Variants in HECW1 observed in about 807,000 individuals in gnomAD.
HECW1 encodes E3 ubiquitin-protein ligase HECW1.
HECW1 carries 61 observed loss-of-function variants against 182.3 expected under a neutral mutation model. The ratio of observed to expected loss-of-function variants is 0.33; its 90% confidence interval spans 0.27 to 0.41. The LOEUF is 0.41. Among genes scored for constraint, HECW1 ranks in the 10% least tolerant of loss-of-function variants. The pLI is 1.00. For missense variants in HECW1, 1,739 were observed against 2,108.9 expected, an observed-to-expected ratio of 0.82 and a Z score of 3.44; for synonymous variants, 859 against 832.6, an observed-to-expected ratio of 1.03 and a Z score of -0.55.
intron 2 of HECW1, among the ~76,000 whole-genome samples, chr7:43,145,862 G>T (rs1355047294): frequency 6.6e-6 from 1 of 152,194 alleles, no homozygotes; most frequent in African/African-American, 2.4e-5. Flanking sequence ...CAGAGTGGAA[G>T]TTGACTTGGG....
At chr7:43,320,545 C>A in intron 4 of HECW1, 90 bp from the exon 5 acceptor site, 1 of 872,144 alleles carries the variant, frequency 1.1e-6, no homozygotes, top group Non-Finnish European at 1.9e-6. Flanking sequence ...ATGGAAGCAG[C>A]ATTTGTATCC....
At chr7:43,193,656 A>G (rs1794160101) in intron 2 of HECW1, among the ~76,000 whole-genome samples, 1 of 152,146 alleles carries the variant, frequency 6.6e-6, no homozygotes, top group Admixed American at 6.5e-5. Flanking sequence ...TGCTGGGATT[A>G]TAAGCATGAG....
intron 3 of HECW1, among the ~76,000 whole-genome samples, chr7:43,275,477 A>T (rs1029563742): frequency 1.3e-5 from 2 of 152,186 alleles, no homozygotes; most frequent in African/African-American, 4.8e-5. Context: ...TTCTTAAAAA[A>T]TTTGTTATAA....
At chr7:43,183,171 A>G (rs1442538520) in intron 2 of HECW1, among the ~76,000 whole-genome samples, 1 of 152,166 alleles carries the variant, frequency 6.6e-6, no homozygotes, top group Non-Finnish European at 1.5e-5. Context: ...GTACACATCT[A>G]CCATTTGCAC....
At chr7:43,238,918 G>C (rs1008473878) in intron 2 of HECW1, 1 of 152,050 alleles carries the variant, frequency 6.6e-6, no homozygotes. Flanking sequence ...CCTCCTCCCA[G>C]GAAAATGAAT....
chr7:43,359,931 A>T (rs1037386645), intron 5 of HECW1, among the ~76,000 whole-genome samples: 1 of 152,218 alleles, frequency 6.6e-6, no homozygotes, highest in Non-Finnish European at 1.5e-5. Context: ...AACTAAACTC[A>T]TGTTGGCTAC....
intron 24 of HECW1, among the ~76,000 whole-genome samples, chr7:43,527,692 C>T (rs1441266561): frequency 6.6e-6 from 1 of 152,136 alleles, no homozygotes; most frequent in Non-Finnish European, 1.5e-5. Context: ...ATTCAGATAC[C>T]TCCCATCATG....
chr7:43,428,715 A>G (rs184940383), intron 8 of HECW1, among the ~76,000 whole-genome samples: 47 of 152,336 alleles, frequency 3.1e-4, no homozygotes, highest in African/African-American at 1.0e-3. Context: ...AGTTAGAATA[A>G]TAGCTCTTTT....
intron 2 of HECW1, among the ~76,000 whole-genome samples, chr7:43,136,839 T>C (rs1351389110): frequency 6.6e-6 from 1 of 152,184 alleles, no homozygotes; most frequent in Non-Finnish European, 1.5e-5. Flanking sequence ...TCACTTGTTC[T>C]GGTGGTGGCC....
intron 3 of HECW1, among the ~76,000 whole-genome samples, chr7:43,286,044 T>C (rs571792009): frequency 1.3e-5 from 2 of 151,600 alleles, no homozygotes; most frequent in East Asian, 1.9e-4. Context: ...ACCACAGAGA[T>C]AGATCAGAGA....
intron 6 of HECW1, among the ~76,000 whole-genome samples, chr7:43,385,592 T>C (rs535968164): frequency 1.3e-5 from 2 of 151,380 alleles, no homozygotes; most frequent in South Asian, 2.1e-4. Flanking sequence ...CTGATCTCCA[T>C]GAGTTCATGT....
intron 2 of HECW1, among the ~76,000 whole-genome samples, chr7:43,242,882 G>A (rs1297938547): frequency 6.6e-6 from 1 of 152,156 alleles, no homozygotes; most frequent in Non-Finnish European, 1.5e-5. Flanking sequence ...GCGTCCACCA[G>A]GGCGTTGGAC....
rs766687863 is a variant in HECW1 at position 43,469,066 on chromosome 7, G to T, written c.3060G>T (p.Leu1020=). 4.3e-6 allele frequency: 7 copies of T among 1,614,072 alleles called. No homozygotes were observed. The highest frequency in any genetic ancestry group is 1.3e-5 in the African/African-American group (1 of 74,940). Residue 1020 remains leucine (L), a synonymous_variant, in exon 16 of 30, where the codon CTG becomes CTT. Coordinates refer to ENST00000395891, the MANE Select transcript of HECW1 (RefSeq NM_015052.5). ...INMFADTRLE[L]PRGWEIKTDQ... Reference sequence around the variant, plus strand: ...TGTTCGCAGACACTCGGCTGGAACTGCCCCGGGGCTGGGAGATCAAAACGG... The same window carrying T: ...TGTTCGCAGACACTCGGCTGGAACTTCCCCGGGGCTGGGAGATCAAAACGG...
At chr7:43,530,444 A>T (rs1014020994) in intron 24 of HECW1, among the ~76,000 whole-genome samples, 2 of 152,034 alleles carry the variant, frequency 1.3e-5, no homozygotes, top group Non-Finnish European at 2.9e-5. Flanking sequence ...TACATAAGAA[A>T]ATATCTCCAT....
In HECW1 at chr7:43,493,156, G is replaced by T. The variant is rs1238287796; in HGVS notation, c.3413G>T (p.Ser1138Ile). The change falls in exon 19 of 30, where the codon AGC becomes ATC. Residue 1138 changes from serine to isoleucine, a missense_variant. Coordinates refer to ENST00000395891, the MANE Select transcript of HECW1 (RefSeq NM_015052.5). ...GAAATGCTGCAAGAGCGTCAGCCAA[G>T]CTTAGCAAGAAACCACACACTCAGG... Reference protein sequence around the residue: ...IFEMLQERQPSLARNHTLREK... With the variant: ...IFEMLQERQPILARNHTLREK... 1.9e-6 allele frequency: 3 copies of T among 1,613,450 alleles called. No individual in the cohort carries two copies. The African/African-American group carries it at 4.0e-5, about 22-fold the overall frequency.
chr7:43,463,794 G>A lies in HECW1; in HGVS notation c.2786G>A (p.Ser929Asn), dbSNP rs2077668299. 6.2e-7 allele frequency: 1 copy of A among 1,613,712 alleles called. No individual in the cohort carries two copies. The highest frequency in any genetic ancestry group is 8.5e-7 in the Non-Finnish European group (1 of 1,179,924). The change falls in exon 14 of 30, where the codon AGC becomes AAC. Residue 929 changes from serine to asparagine, a missense_variant. Ser to Asn is a conservative substitution (Grantham distance 46). Transcript: ENST00000395891. Reference sequence around the variant, plus strand: ...TCAGAAGCCGAATCTTCCCAGTCCAGCTTAGGTATTGGAGGAGGGGTCCCC... The same window carrying A: ...TCAGAAGCCGAATCTTCCCAGTCCAACTTAGGTATTGGAGGAGGGGTCCCC... ...SDSEAESSQS[S>N]LDLRREGSLS... is the part of the protein sequence containing the mutation.
At chr7:43,219,502 C>T (rs1448607097) in intron 2 of HECW1, among the ~76,000 whole-genome samples, 2 of 152,098 alleles carry the variant, frequency 1.3e-5, no homozygotes, top group Admixed American at 1.3e-4. Flanking sequence ...CTGTCTCCAA[C>T]AACCGAGCTC....
At chr7:43,410,251 C>A (rs1464382596) in intron 8 of HECW1, among the ~76,000 whole-genome samples, 2 of 152,126 alleles carry the variant, frequency 1.3e-5, no homozygotes, top group Non-Finnish European at 2.9e-5. Flanking sequence ...AAGTCCGAGC[C>A]CAGGATGCTG....
intron 2 of HECW1, among the ~76,000 whole-genome samples, chr7:43,226,614 C>T (rs765118733): frequency 6.6e-6 from 1 of 152,148 alleles, no homozygotes; most frequent in Non-Finnish European, 1.5e-5. Flanking sequence ...GGGTCTGTGT[C>T]GTTCCAGATC....
Sources: gnomAD v4.1 joint callset for allele counts (sites outside exome capture counted in the v4.1 genomes callset) on GRCh38, gnomAD v4.1.1 for gene constraint, MANE v1.5 for transcripts, NCBI Gene and HGNC (gene_info 2026-07-23, HGNC 2026-07-21) for gene names.